The following GLI2 variants were observed in gnomAD, a reference collection of about 807,000 sequenced individuals.
GLI2 encodes GLI family zinc finger 2.
GLI2 carries 22 observed loss-of-function variants against 78.9 expected under a neutral mutation model. The ratio of observed to expected loss-of-function variants is 0.28; its 90% CI spans 0.20 to 0.40. The LOEUF is 0.40. GLI2 is among the 10% of genes least tolerant of loss of function. GLI2 has a pLI of 1.00. For synonymous variants in GLI2, 974 were observed against 963.7 expected, an observed-to-expected ratio of 1.01 and a Z score of -0.20; for missense variants, 2,097 against 2,213.2, an observed-to-expected ratio of 0.95 and a Z score of 1.05.
intron 2 of GLI2, among the ~76,000 whole-genome samples, chr2:120,871,484 T>A (rs1478496904): frequency 1.3e-5 from 2 of 152,252 alleles, no homozygotes; most frequent in African/African-American, 4.8e-5. Context: ...TCCTGACACC[T>A]GGCTGGCCAC....
chr2:120,765,898 T>G (rs1683352335), intron 1 of GLI2, among the ~76,000 whole-genome samples: 1 of 152,152 alleles, frequency 6.6e-6, no homozygotes, highest in Non-Finnish European at 1.5e-5. Context: ...AGATAGGAGA[T>G]GTTGATGTGA....
intron 2 of GLI2, among the ~76,000 whole-genome samples, chr2:120,909,017 A>G (rs1038324088): frequency 6.6e-6 from 1 of 152,048 alleles, no homozygotes; most frequent in Non-Finnish European, 1.5e-5. Flanking sequence ...AGTGTTGTCT[A>G]TGGCTTGTGC....
intron 13 of GLI2, 77 bp from the exon 14 acceptor site, chr2:120,988,131 A>G: frequency 7.7e-7 from 1 of 1,301,676 alleles, no homozygotes; most frequent in Non-Finnish European, 1.0e-6. Context: ...CTCCAGGCCC[A>G]GTGCGATGAC....
intron 1 of GLI2, among the ~76,000 whole-genome samples, chr2:120,739,150 TG>T (rs981018790): frequency 1.3e-5 from 2 of 152,184 alleles, no homozygotes; most frequent in African/African-American, 4.8e-5. Flanking sequence ...TCACGCTTTT[TG>T]TACTCCCACA....
intron 1 of GLI2, among the ~76,000 whole-genome samples, chr2:120,749,874 A>AGG (rs1682812447): frequency 6.6e-6 from 1 of 152,250 alleles, no homozygotes; most frequent in Non-Finnish European, 1.5e-5. Context: ...CACTAGGTAT[A>AGG]GGACATGTGT....
intron 2 of GLI2, among the ~76,000 whole-genome samples, chr2:120,845,884 C>A (rs1029548372): frequency 2.0e-5 from 3 of 152,174 alleles, no homozygotes; most frequent in African/African-American, 7.2e-5. Context: ...CTAAATATTA[C>A]ACAGGTTAGC....
chr2:120,878,015 G>A (rs113496644), intron 2 of GLI2, among the ~76,000 whole-genome samples: 60 of 152,214 alleles, frequency 3.9e-4, no homozygotes, highest in African/African-American at 1.3e-3. Context: ...TTATTTTCTC[G>A]AACATTCTTT....
intron 1 of GLI2, among the ~76,000 whole-genome samples, chr2:120,739,191 G>T (rs1365770285): frequency 6.6e-6 from 1 of 152,182 alleles, no homozygotes; most frequent in Non-Finnish European, 1.5e-5. Flanking sequence ...AGCCCCTGGG[G>T]CTGGATTAGC....
At position 120,988,578 on chromosome 2, in the gene GLI2, C is replaced by A; in HGVS notation, c.2613C>A (p.Ser871Arg). 1 of 1,493,670 alleles carries A rather than the reference C, an allele frequency of 6.7e-7. No homozygotes were observed. Among genetic ancestry groups the A allele is most frequent in the Non-Finnish European group, 8.9e-7 (1 of 1,127,992 alleles). The allele number at this position is 1,493,670 out of a possible 1,614,324, so 92.5% of individuals were successfully genotyped here. The change falls in exon 14 of 14, where the codon AGC becomes AGA. Residue 871 changes from serine to arginine, a missense_variant. This residue lies in a region of GLI2 where 1,290 missense variants were observed against 1,261.7 expected (regional missense o/e 1.02). Transcript: ENST00000361492. ...ACCTCACGCCGGCGCAGCAGTACAG[C>A]CTGCGGGCCAAGTACGCGGCAGCCA... ...LLNLTPAQQY[S>R]LRAKYAAATG...
At chr2:120,876,767 G>A (rs548388760) in intron 2 of GLI2, among the ~76,000 whole-genome samples, 6 of 152,216 alleles carry the variant, frequency 3.9e-5, no homozygotes, top group South Asian at 2.1e-4. Context: ...TGCTGAGGCC[G>A]CCCATGTCAG....
intron 1 of GLI2, among the ~76,000 whole-genome samples, chr2:120,738,318 T>G (rs1038295361): frequency 6.6e-6 from 1 of 152,224 alleles, no homozygotes; most frequent in African/African-American, 2.4e-5. Context: ...ACTTGCTGCT[T>G]CTCTCTTGAG....
At chr2:120,921,364 T>C (rs951684288) in intron 2 of GLI2, among the ~76,000 whole-genome samples, 2 of 151,828 alleles carry the variant, frequency 1.3e-5, no homozygotes, top group Non-Finnish European at 2.9e-5. Context: ...GGCCGTTGGG[T>C]CAGTCATTAT....
intron 2 of GLI2, among the ~76,000 whole-genome samples, chr2:120,821,231 G>T (rs1685759169): frequency 6.6e-6 from 1 of 152,204 alleles, no homozygotes; most frequent in South Asian, 2.1e-4. Flanking sequence ...GCGCCAGGAG[G>T]GTTCTTGGCC....
At chr2:120,933,840 A>AGCCCT (rs56996797) in intron 3 of GLI2, among the ~76,000 whole-genome samples, 29,420 of 137,488 alleles carry the variant, frequency 0.21, 3,928 homozygotes, top group East Asian at 0.44. Context: ...GGACCTTTCC[A>AGCCCT]GCCCTGCCCT....
chr2:120,861,857 G>T (rs1203471284), intron 2 of GLI2, among the ~76,000 whole-genome samples: 1 of 152,236 alleles, frequency 6.6e-6, no homozygotes, highest in East Asian at 1.9e-4. Context: ...GACCACAGTG[G>T]AATTGCAGAG....
In GLI2 at chr2:120,778,242, A is replaced by G. The variant is rs549749530; in HGVS notation, c.-30-19049A>G. Among the ~76,000 whole-genome samples the G allele has an allele frequency of 6.4e-4, 98 of 152,138 alleles. 2 individuals carry two copies. The South Asian group carries it at 0.019, about 29-fold the overall frequency. ...CTCCTCGCTCCCGATTCTCCTCCCTATGTTGTGAGATGCCCAATTATTTGG... is the reference window on the plus strand; with the variant it reads ...CTCCTCGCTCCCGATTCTCCTCCCTGTGTTGTGAGATGCCCAATTATTTGG... On this transcript the variant is annotated intron_variant, in intron 1 of 13. Transcript: ENST00000361492.
At chr2:120,798,520 T>C (rs1038039594) in intron 2 of GLI2, among the ~76,000 whole-genome samples, 91 of 152,302 alleles carry the variant, frequency 6.0e-4, no homozygotes, top group Non-Finnish European at 1.2e-3. Context: ...TTACTGTATT[T>C]ACTTTTATTT....
chr2:120,935,926 T>C (rs888399093), intron 3 of GLI2, among the ~76,000 whole-genome samples: 3 of 152,162 alleles, frequency 2.0e-5, no homozygotes, highest in African/African-American at 7.2e-5. Context: ...CTCTGGGTTT[T>C]GGAGAGAGCC....
chr2:120,911,650 C>T (rs1678824403), intron 2 of GLI2, among the ~76,000 whole-genome samples: 1 of 152,186 alleles, frequency 6.6e-6, no homozygotes, highest in African/African-American at 2.4e-5. Context: ...CTCCTCACCT[C>T]CTCCATGCCA....
Sources: gnomAD v4.1 joint callset for allele counts (sites outside exome capture counted in the v4.1 genomes callset) on GRCh38, gnomAD v4.1.1 for gene constraint, gnomAD v4.1.1 regional missense constraint, MANE v1.5 for transcripts, NCBI Gene and HGNC (gene_info 2026-07-23, HGNC 2026-07-21) for gene names.